Variants in SPATA13 observed in about 807,000 individuals in gnomAD.
SPATA13 encodes the protein spermatogenesis associated 13, also known as spermatogenesis-associated protein 13.
In SPATA13, 50 loss-of-function variants were observed where a neutral mutation model predicts 104.0. That is an observed-to-expected ratio of 0.48 (90% CI 0.38 to 0.61). SPATA13 has a LOEUF of 0.61. Ranked by LOEUF, SPATA13 falls within the 20% of genes least tolerant of loss-of-function variation. The pLI, the probability that SPATA13 is intolerant of heterozygous loss-of-function variation, is 0.00. For missense variants in SPATA13, 1,524 were observed against 1,690.6 expected, an observed-to-expected ratio of 0.90 and a Z score of 1.73; for synonymous variants, 606 against 667.5, an observed-to-expected ratio of 0.91 and a Z score of 1.42.
At chr13:24,191,958 A>G (rs946790967) in intron 1 of SPATA13, among the ~76,000 whole-genome samples, 3 of 152,208 alleles carry the variant, frequency 2.0e-5, no homozygotes, top group Non-Finnish European at 4.4e-5. Context: ...AAGGGTGAAC[A>G]GTGCAGGATT....
intron 4 of SPATA13, among the ~76,000 whole-genome samples, chr13:24,260,613 G>A (rs1264574446): frequency 6.6e-6 from 1 of 152,178 alleles, no homozygotes; most frequent in African/African-American, 2.4e-5. Context: ...AGAATACTTT[G>A]GAGAAACCCA....
In SPATA13 at chr13:24,161,088, C is replaced by T. The variant is rs1202790954; in HGVS notation, c.-112+156C>T. Among the ~76,000 whole-genome samples, 1 of 152,228 alleles carries T rather than the reference C, an allele frequency of 6.6e-6. No individual in the cohort carries two copies. The highest frequency in any genetic ancestry group is 1.5e-5 in the Non-Finnish European group (1 of 68,042). On this transcript the variant is annotated intron_variant, in intron 1 of 12. Coordinates refer to ENST00000382108, the MANE Select transcript of SPATA13 (RefSeq NM_001166271.3). The surrounding 1 kb of genome is among the most constrained non-coding windows in gnomAD (Gnocchi z 4.5). ...CCTCTGCTTCCCCCGCCGGTGGAGG[C>T]TACCGGGTGCTCACCTGTTAGGTCC...
At chr13:24,288,498 A>G (rs1308602748) in intron 7 of SPATA13, among the ~76,000 whole-genome samples, 1 of 152,206 alleles carries the variant, frequency 6.6e-6, no homozygotes, top group Admixed American at 6.5e-5. Flanking sequence ...AATTAGTGCA[A>G]GCCTCAGATT....
At chr13:24,227,578 T>TC (rs1320363171) in intron 2 of SPATA13, among the ~76,000 whole-genome samples, 2 of 145,328 alleles carry the variant, frequency 1.4e-5, no homozygotes, top group East Asian at 3.9e-4. Flanking sequence ...TTCAAAATTC[T>TC]TTTTTTTTTA....
chr13:24,163,842 A>C (rs1488386991), intron 1 of SPATA13, among the ~76,000 whole-genome samples: 1 of 152,214 alleles, frequency 6.6e-6, no homozygotes, highest in Non-Finnish European at 1.5e-5. Flanking sequence ...TGGAAGCAAC[A>C]AAGTTTCTTT....
At chr13:24,030,448 A>G (rs1397477971) in intron 3 of SPATA13, among the ~76,000 whole-genome samples, 2 of 152,064 alleles carry the variant, frequency 1.3e-5, no homozygotes, top group Non-Finnish European at 2.9e-5. Flanking sequence ...TCCTTATTTG[A>G]CATTTCTCTG....
chr13:24,145,066 A>G (rs1881885916), intron 3 of SPATA13, among the ~76,000 whole-genome samples: 2 of 152,178 alleles, frequency 1.3e-5, no homozygotes, highest in Admixed American at 6.5e-5. Flanking sequence ...CTGGTACACT[A>G]TTTCTGAAGT....
At chr13:24,201,809 G>A (rs1023224619) in intron 1 of SPATA13, among the ~76,000 whole-genome samples, 2 of 152,106 alleles carry the variant, frequency 1.3e-5, no homozygotes, top group Non-Finnish European at 2.9e-5. Context: ...CCATTATGAT[G>A]TTGTACAAAT....
chr13:24,112,571 C>T (rs557045144), intron 3 of SPATA13, among the ~76,000 whole-genome samples: 2 of 152,286 alleles, frequency 1.3e-5, no homozygotes, highest in African/African-American at 4.8e-5. Flanking sequence ...CACACACACA[C>T]ACAAACCCAG....
At chr13:24,069,361 G>A (rs1285821040) in intron 3 of SPATA13, among the ~76,000 whole-genome samples, 1 of 152,150 alleles carries the variant, frequency 6.6e-6, no homozygotes. Flanking sequence ...GTATTTCTAG[G>A]TATTTTGTTC....
At chr13:24,233,777 A>G (rs898950798) in intron 2 of SPATA13, among the ~76,000 whole-genome samples, 3 of 152,110 alleles carry the variant, frequency 2.0e-5, no homozygotes, top group Non-Finnish European at 1.5e-5. Flanking sequence ...CAAATTATGT[A>G]CTTGTGAAGT....
chr13:24,238,572 A>G (rs1384827883), intron 2 of SPATA13, among the ~76,000 whole-genome samples: 1 of 152,096 alleles, frequency 6.6e-6, no homozygotes, highest in Non-Finnish European at 1.5e-5. Context: ...GTGACACAGG[A>G]AAGAAAGCCA....
At chr13:24,300,967 A>T (rs1877144798) in intron 12 of SPATA13, among the ~76,000 whole-genome samples, 1 of 152,150 alleles carries the variant, frequency 6.6e-6, no homozygotes, top group South Asian at 2.1e-4. Context: ...AAAAAAAGAC[A>T]CGTGAGCTGA....
chr13:24,137,041 G>A lies in SPATA13; in HGVS notation c.-111-85778G>A, dbSNP rs185814885. On this transcript the variant is annotated intron_variant, in intron 3 of 14. Transcript: ENST00000424834. Reference sequence around the variant, plus strand: ...GAGACGGGGTTTCACCGTTTTAGCCGGGATGGTCTCAATCTCCTGACCTCG... The same window carrying A: ...GAGACGGGGTTTCACCGTTTTAGCCAGGATGGTCTCAATCTCCTGACCTCG... Among the ~76,000 whole-genome samples the A allele has an allele frequency of 3.0e-3, 130 of 43,554 alleles. 41 individuals carry two copies. The highest frequency in any genetic ancestry group is 8.3e-3 in the African/African-American group (114 of 13,674). The allele number at this position is 43,554 out of a possible 152,430, so 28.6% of individuals were successfully genotyped here. A position where few individuals can be genotyped will look rare whatever the true frequency, so the allele number is the denominator to read the frequency against.
intron 3 of SPATA13, chr13:24,123,151 T>A: frequency 8.9e-7 from 1 of 1,124,272 alleles, no homozygotes; most frequent in South Asian, 1.2e-5. Flanking sequence ...GTTTCTCTGA[T>A]AATATGAAGA....
intron 1 of SPATA13, among the ~76,000 whole-genome samples, chr13:23,983,174 A>G (rs4770535): frequency 0.14 from 20,638 of 152,154 alleles, 1,784 homozygotes; most frequent in Admixed American, 0.26. Context: ...CTTAAGTGAC[A>G]GACCTTGATT....
rs747736036 is a variant in SPATA13 at position 24,249,799 on chromosome 13, A to T, written c.1976A>T (p.Tyr659Phe). 7.4e-6 allele frequency: 12 copies of T among 1,613,314 alleles called. No homozygotes were observed. The highest frequency in any genetic ancestry group is 1.1e-5 in the South Asian group (1 of 91,042). ...PISVIGGVSL[Y>F]GTNQTEELDN... Reference sequence around the variant, plus strand: ...TCCGTGATAGGTGGGGTCAGCTTGTATGGGACCAACCAGACGGAGGAACTG... The same window carrying T: ...TCCGTGATAGGTGGGGTCAGCTTGTTTGGGACCAACCAGACGGAGGAACTG... Residue 659 changes from tyrosine (Y) to phenylalanine (F), a missense_variant, in exon 3 of 13, where the codon TAT becomes TTT. Physicochemically the swap from Tyr to Phe is conservative, Grantham distance 22 (BLOSUM62 3). Around this residue, in one of 2 missense-constraint regions of SPATA13, gnomAD observed 1,089 missense variants for 1,135.9 expected, o/e 0.96. Transcript: ENST00000382108.
At chr13:24,285,834 C>T (rs184709802) in intron 5 of SPATA13, among the ~76,000 whole-genome samples, 3 of 152,140 alleles carry the variant, frequency 2.0e-5, no homozygotes, top group South Asian at 2.1e-4. Context: ...GAGCCCACCA[C>T]CACGCCTGGC....
upstream of SPATA13, among the ~76,000 whole-genome samples, chr13:24,156,743 C>T (rs1296893683): frequency 6.6e-6 from 1 of 152,152 alleles, no homozygotes; most frequent in Non-Finnish European, 1.5e-5. Flanking sequence ...ACTTTACATA[C>T]ATTATTACAC....
Sources: gnomAD v4.1 joint callset for allele counts (sites outside exome capture counted in the v4.1 genomes callset) on GRCh38, gnomAD v4.1.1 for gene constraint, gnomAD v4.1.1 regional missense constraint, Gnocchi (gnomAD v3.1) non-coding constraint, MANE v1.5 for transcripts, NCBI Gene and HGNC (gene_info 2026-07-23, HGNC 2026-07-21) for gene names.